Variants in RPGRIP1L observed in about 807,000 individuals in gnomAD.
RPGRIP1L encodes the protein protein fantom.
A neutral mutation model predicts 160.4 loss-of-function variants in RPGRIP1L; 131 were observed. The ratio of observed to expected loss-of-function variants is 0.82; its 90% CI spans 0.71 to 0.94. The LOEUF (loss-of-function observed/expected upper bound fraction) is 0.94, where lower values mean the gene tolerates loss of function less well. Among genes scored for constraint, RPGRIP1L ranks in the 40% least tolerant of loss-of-function variants. RPGRIP1L has a pLI of 0.00. For missense variants in RPGRIP1L, 1,522 were observed against 1,535.8 expected (o/e 0.99, Z 0.15); for synonymous variants, 510 against 515.8 (o/e 0.99, Z 0.15).
At chr16:53,613,987 A>G (rs989167006) in intron 24 of RPGRIP1L, among the ~76,000 whole-genome samples, 1 of 152,048 alleles carries the variant, frequency 6.6e-6, no homozygotes, top group African/African-American at 2.4e-5. Flanking sequence ...ATGTTACATA[A>G]CCTCTCCTCC....
Position 53,699,909 on chromosome 16 carries a change from G to A in RPGRIP1L, c.85+730C>T, listed in dbSNP as rs978783785. Among the ~76,000 whole-genome samples, 8 of 152,084 alleles carry A rather than the reference G, an allele frequency of 5.3e-5. 1 individual carries two copies. The highest frequency in any genetic ancestry group is 2.6e-4 in the Admixed American group (4 of 15,280). ...TGACCACTTTTCTGGTTTTCACAGT[G>A]GCCATTTACACTGTTCTGATTGAAA... On this transcript the variant is annotated intron_variant, in intron 2 of 26. Transcript: ENST00000647211.
intron 6 of RPGRIP1L, among the ~76,000 whole-genome samples, chr16:53,676,174 G>C (rs965171760): frequency 6.6e-6 from 1 of 152,040 alleles, no homozygotes; most frequent in Non-Finnish European, 1.5e-5. Flanking sequence ...TTTCCTCTTT[G>C]ATATTTGAAA....
intron 16 of RPGRIP1L, among the ~76,000 whole-genome samples, chr16:53,647,236 T>G (rs958251903): frequency 2.0e-5 from 3 of 152,210 alleles, no homozygotes; most frequent in African/African-American, 7.2e-5. Context: ...GTGATATTAG[T>G]CACGCTTCTT....
intron 21 of RPGRIP1L, among the ~76,000 whole-genome samples, chr16:53,637,265 T>C (rs758733183): frequency 1.3e-5 from 2 of 152,182 alleles, no homozygotes; most frequent in Admixed American, 6.6e-5. Flanking sequence ...CCCTCTGTAA[T>C]CTCTTCCCTT....
intron 10 of RPGRIP1L, chr16:53,659,808 G>A (rs1445510310): frequency 6.6e-6 from 1 of 152,162 alleles, no homozygotes; most frequent in Non-Finnish European, 1.5e-5. Flanking sequence ...TGAGCCTGGG[G>A]AGTTGAGGCT....
At chr16:53,696,380 C>G in intron 2 of RPGRIP1L, 85 bp from the exon 3 acceptor site, 8 of 1,383,756 alleles carry the variant, frequency 5.8e-6, no homozygotes, top group South Asian at 1.2e-5. Context: ...CTCTGATGCA[C>G]TCATCTGAGA....
chr16:53,641,528 A>C, intron 17 of RPGRIP1L, 53 bp from the exon 18 acceptor site: 1 of 1,469,150 alleles, frequency 6.8e-7, no homozygotes, highest in Non-Finnish European at 9.5e-7. Context: ...TTATTACTGT[A>C]AGAATTAAAG....
chr16:53,609,502 C>CT (rs1963894157), intron 25 of RPGRIP1L, among the ~76,000 whole-genome samples: 1 of 125,922 alleles, frequency 7.9e-6, no homozygotes, highest in African/African-American at 3.8e-5. Context: ...TAAATAAACA[C>CT]TTTTGGGGTA....
intron 9 of RPGRIP1L, among the ~76,000 whole-genome samples, chr16:53,667,314 C>A (rs1399061799): frequency 6.6e-6 from 1 of 152,158 alleles, no homozygotes. Flanking sequence ...TGATAAAGAT[C>A]TAAATAAAGC....
In RPGRIP1L at chr16:53,636,451, C is replaced by G. The variant is rs780022441; in HGVS notation, c.3282G>C (p.Lys1094Asn). Residue 1094 changes from lysine (K) to asparagine (N), a missense_variant, in exon 22 of 27, where the codon AAG (lysine) becomes AAC (asparagine). Transcript: ENST00000647211. Reference sequence around the variant, plus strand: ...TCAAGTTACTGACCTGTTTGATATTCTTGGAGATAGGACCTGGAATAATAC... The same window carrying G: ...TCAAGTTACTGACCTGTTTGATATTGTTGGAGATAGGACCTGGAATAATAC... ...DDCIIPGPIS[K>N]NIKQSLALSP... 8 of 1,610,786 alleles carry G rather than the reference C, an allele frequency of 5.0e-6. No individual in the cohort carries two copies. Among genetic ancestry groups the G allele is most frequent in the Middle Eastern group, 1.7e-4 (1 of 6,056 alleles).
intron 24 of RPGRIP1L, 52 bp downstream of exon 24, chr16:53,618,973 T>G: frequency 7.1e-7 from 1 of 1,413,388 alleles, no homozygotes; most frequent in Non-Finnish European, 1.0e-6. Context: ...ACTTCTTTCA[T>G]AAATAAAAAA....
chr16:53,618,964 C>T (rs1964545029), intron 24 of RPGRIP1L, 61 bp downstream of exon 24: 4 of 1,334,722 alleles, frequency 3.0e-6, no homozygotes, highest in Non-Finnish European at 4.3e-6. Flanking sequence ...GTTCTTTCCA[C>T]TTCTTTCATA....
At position 53,652,698 on chromosome 16, in the gene RPGRIP1L, A is replaced by C; in HGVS notation, c.1989T>G (p.Val663=). ...ATTGCAAAAATAAGTCATTAACATG[A>C]ACAAGATATTGAGAAGTGAAGTTAT... The part of the protein sequence containing the change: ...PEYNFTSQYL[V]HVNDLFLQYI... The change falls in exon 15 of 27, where the codon GTT becomes GTG. Residue 663 remains valine, a synonymous_variant. Coordinates refer to ENST00000647211, the MANE Select transcript of RPGRIP1L (RefSeq NM_015272.5). The C allele has an allele frequency of 6.2e-7, 1 of 1,614,168 alleles. No homozygotes were observed. Among genetic ancestry groups the C allele is most frequent in the Non-Finnish European group, 8.5e-7 (1 of 1,180,008 alleles).
At chr16:53,680,243 C>T (rs1386834593) in intron 6 of RPGRIP1L, among the ~76,000 whole-genome samples, 3 of 152,070 alleles carry the variant, frequency 2.0e-5, no homozygotes, top group Admixed American at 1.3e-4. Context: ...GAATTCTAAA[C>T]TGTTCAAAAT....
chr16:53,637,769 T>G lies in RPGRIP1L; in HGVS notation c.3146A>C (p.Glu1049Ala). 4 of 1,613,104 alleles carry G rather than the reference T, an allele frequency of 2.5e-6. No homozygotes were observed. The highest frequency in any genetic ancestry group is 3.4e-6 in the Non-Finnish European group (4 of 1,179,740). The part of the protein sequence containing the change: ...QGKDDVSLLS[E>A]GQLAEQSLAS... Reference sequence around the variant, plus strand: ...CAAGCTTTGTTCTGCAAGCTGACCTTCAGATAGTAAAGACACATCATCTTT... The same window carrying G: ...CAAGCTTTGTTCTGCAAGCTGACCTGCAGATAGTAAAGACACATCATCTTT... Residue 1049 changes from glutamate to alanine, a missense_variant, in exon 21 of 27, where the codon GAA becomes GCA. Transcript: ENST00000647211.
intron 4 of RPGRIP1L, among the ~76,000 whole-genome samples, chr16:53,689,401 G>A (rs1004938794): frequency 6.6e-6 from 1 of 151,910 alleles, no homozygotes; most frequent in Non-Finnish European, 1.5e-5. Flanking sequence ...ATCCTCCCCA[G>A]CGCCCCATAC....
Position 53,641,367 on chromosome 16 carries a change from T to A in RPGRIP1L, c.2792A>T (p.Asp931Val). The A allele has an allele frequency of 6.2e-7, 1 of 1,614,102 alleles. No homozygotes were observed. Among genetic ancestry groups the A allele is most frequent in the South Asian group, 1.1e-5 (1 of 91,078 alleles). Residue 931 changes from aspartate to valine, a missense_variant, in exon 18 of 27, where the codon GAC (aspartate) becomes GTC (valine). By Grantham distance (152) the Asp-to-Val change is radical. Coordinates refer to ENST00000647211, the MANE Select transcript of RPGRIP1L (RefSeq NM_015272.5). ...LPPSGSITTE[D>V]LGNFIRSEEP... ...TTCGCTGCGAATGAAATTTCCTAAGTCTTCAGTTGTTATTGATCCACTTGG... is the reference window on the plus strand; with the variant it reads ...TTCGCTGCGAATGAAATTTCCTAAGACTTCAGTTGTTATTGATCCACTTGG...
At chr16:53,653,181 G>T in intron 14 of RPGRIP1L, 194 bp from the exon 15 acceptor site, 1 of 439,098 alleles carries the variant, frequency 2.3e-6, no homozygotes, top group Non-Finnish European at 3.0e-6. Context: ...CACTTATTAG[G>T]CAGCAACAAA....
At chr16:53,671,622 T>C (rs778529790) in intron 8 of RPGRIP1L, 39 bp from the exon 9 acceptor site, 66 of 1,073,442 alleles carry the variant, frequency 6.1e-5, no homozygotes, top group East Asian at 1.0e-4. Flanking sequence ...GTAAATATTA[T>C]ATAAAACCAC....
Sources: allele counts gnomAD v4.1 joint callset (sites outside exome capture counted in the v4.1 genomes callset), GRCh38; gene constraint gnomAD v4.1.1; transcripts MANE v1.5; gene names NCBI Gene and HGNC (gene_info 2026-07-23, HGNC 2026-07-21).